Variants in FAAH2 observed in about 807,000 individuals in gnomAD.
FAAH2 encodes the protein fatty acid amide hydrolase 2.
Under a neutral mutation model 36.9 loss-of-function variants are expected in FAAH2, and 60 were observed. The observed-to-expected ratio is 1.63, with a 90% CI of 1.32 to 2.02. FAAH2 has a LOEUF of 2.02. Ranked by LOEUF, FAAH2 falls within the 30% of genes most tolerant of loss-of-function variation. FAAH2 has a pLI of 0.00. For synonymous variants in FAAH2, 214 were observed against 143.8 expected (o/e 1.49, Z -3.49); for missense variants, 689 against 397.5 (o/e 1.73, Z -6.23).
chrX:57,468,000 A>G (rs2057083046), intron 10 of FAAH2, among the ~76,000 whole-genome samples: 1 of 111,790 alleles, frequency 8.9e-6, no homozygotes, highest in East Asian at 2.8e-4. Flanking sequence ...TCTGGAGTGG[A>G]CCTCCAGCAA....
At chrX:57,419,427 A>G (rs369556705) in intron 7 of FAAH2, among the ~76,000 whole-genome samples, 30 of 111,587 alleles carry the variant, frequency 2.7e-4, no homozygotes, top group Admixed American at 1.9e-4. Context: ...GTGTGAGATG[A>G]TATCTCATTG....
the FAAH2 span, among the ~76,000 whole-genome samples, chrX:57,192,832 C>T: frequency 1.1e-3 from 121 of 112,174 alleles, no homozygotes; most frequent in Non-Finnish European, 1.7e-3. Flanking sequence ...GGACGCTTAT[C>T]ACTTCCCCAA....
chrX:57,301,231 G>A (rs5914966), intron 2 of FAAH2, among the ~76,000 whole-genome samples: 59,732 of 109,424 alleles, frequency 0.55, 14,383 homozygotes, highest in Non-Finnish European at 0.75. Flanking sequence ...AAAAATGATA[G>A]ACTGGATTGA....
At chrX:57,334,332 A>C (rs1263671231) in intron 4 of FAAH2, among the ~76,000 whole-genome samples, 1 of 103,238 alleles carries the variant, frequency 9.7e-6, no homozygotes, top group Non-Finnish European at 2.0e-5. Context: ...CCACTGAAAG[A>C]ACCATCAACT....
chrX:57,328,188 G>A (rs183478441), intron 3 of FAAH2, among the ~76,000 whole-genome samples: 6 of 111,401 alleles, frequency 5.4e-5, no homozygotes, highest in Admixed American at 9.5e-5. Flanking sequence ...CTGCCTGATC[G>A]TTCCTCCGGA....
chrX:57,216,272 C>A, the FAAH2 span, among the ~76,000 whole-genome samples: 1 of 104,905 alleles, frequency 9.5e-6, no homozygotes, highest in Non-Finnish European at 1.9e-5. Flanking sequence ...CTCTTTTGCC[C>A]CTCTCCCATG....
intron 5 of FAAH2, among the ~76,000 whole-genome samples, chrX:57,351,421 A>G (rs1205086307): frequency 1.8e-5 from 2 of 111,478 alleles, no homozygotes; most frequent in Non-Finnish European, 3.8e-5. Flanking sequence ...AATGATGCAT[A>G]TTAAGCAACT....
the FAAH2 span, among the ~76,000 whole-genome samples, chrX:57,273,625 C>A: frequency 1.8e-5 from 2 of 111,708 alleles, no homozygotes; most frequent in Non-Finnish European, 3.8e-5. Context: ...AACCTCACAA[C>A]TACATGGAAA....
At chrX:57,367,363 C>T (rs940573044) in intron 5 of FAAH2, among the ~76,000 whole-genome samples, 2 of 112,105 alleles carry the variant, frequency 1.8e-5, no homozygotes, top group Non-Finnish European at 3.8e-5. Flanking sequence ...TGCACCTTAG[C>T]ATGAACAAGG....
At chrX:57,166,512 A>G in the FAAH2 span, among the ~76,000 whole-genome samples, 2 of 112,115 alleles carry the variant, frequency 1.8e-5, no homozygotes, top group South Asian at 7.5e-4. Flanking sequence ...CCAAAGAAGT[A>G]AGACTCACCC....
At chrX:57,348,960 A>G (rs2053904305) in intron 5 of FAAH2, among the ~76,000 whole-genome samples, 2 of 106,415 alleles carry the variant, frequency 1.9e-5, no homozygotes, top group African/African-American at 6.8e-5. Context: ...TCAAAATGCC[A>G]TTTAAAGAAT....
At chrX:57,304,135 A>C (rs777869106) in intron 2 of FAAH2, among the ~76,000 whole-genome samples, 1 of 111,933 alleles carries the variant, frequency 8.9e-6, no homozygotes, top group African/African-American at 3.2e-5. Flanking sequence ...TGAGCCCAGG[A>C]GGTGGAGGTT....
chrX:57,264,238 CTTTTG>C, the FAAH2 span, among the ~76,000 whole-genome samples: 4 of 111,950 alleles, frequency 3.6e-5, no homozygotes, highest in African/African-American at 1.3e-4. Context: ...ACATGAAAAA[CTTTTG>C]TTTTGTGAAC....
At chrX:57,406,198 A>G (rs1022942413) in intron 7 of FAAH2, among the ~76,000 whole-genome samples, 4 of 111,905 alleles carry the variant, frequency 3.6e-5, no homozygotes, top group Non-Finnish European at 7.5e-5. Flanking sequence ...AGGGCTCTGT[A>G]TGAGTTCTTT....
chrX:57,358,158 T>C (rs2054205767), intron 5 of FAAH2, among the ~76,000 whole-genome samples: 1 of 110,554 alleles, frequency 9.0e-6, no homozygotes. Flanking sequence ...TTGAGATCTT[T>C]TTTTTTTTTA....
At chrX:57,236,569 G>A in the FAAH2 span, among the ~76,000 whole-genome samples, 1 of 111,866 alleles carries the variant, frequency 8.9e-6, no homozygotes, top group South Asian at 3.7e-4. Context: ...TTGTGGTTTT[G>A]ATTTGCATTT....
At chrX:57,370,465 C>A (rs1039773101) in intron 5 of FAAH2, among the ~76,000 whole-genome samples, 3 of 111,465 alleles carry the variant, frequency 2.7e-5, no homozygotes, top group Non-Finnish European at 5.7e-5. Context: ...CTGGAGCACA[C>A]AAATATATAA....
intron 5 of FAAH2, among the ~76,000 whole-genome samples, chrX:57,348,415 A>C (rs2053889250): frequency 1.8e-5 from 2 of 111,260 alleles, no homozygotes; most frequent in Non-Finnish European, 3.8e-5. Context: ...ACAGGGGCTT[A>C]AGAGCCCACT....
chrX:57,313,262 A>G (rs1426857388), intron 3 of FAAH2, among the ~76,000 whole-genome samples: 1 of 110,468 alleles, frequency 9.1e-6, no homozygotes, highest in Non-Finnish European at 1.9e-5. Flanking sequence ...AACCAAACCT[A>G]TGACTCATCA....
Sources: gnomAD v4.1 joint callset for allele counts (sites outside exome capture counted in the v4.1 genomes callset) on GRCh38, gnomAD v4.1.1 for gene constraint, MANE v1.5 for transcripts, NCBI Gene and HGNC (gene_info 2026-07-23, HGNC 2026-07-21) for gene names.